The following NUP214 variants were observed in gnomAD, a reference collection of about 807,000 sequenced individuals.
NUP214 encodes the protein nuclear pore complex protein Nup214.
Under a neutral mutation model 196.2 loss-of-function variants are expected in NUP214, and 79 were observed. The ratio of observed to expected loss-of-function variants is 0.40; its 90% CI spans 0.34 to 0.49. The LOEUF (loss-of-function observed/expected upper bound fraction) is 0.49. Ranked by LOEUF, NUP214 falls within the 20% of genes least tolerant of loss-of-function variation. The probability of loss-of-function intolerance (pLI) is 0.58; values close to 1 mark genes in which losing one functional copy is unlikely to be tolerated. For synonymous variants in NUP214, 1,020 were observed against 990.5 expected (o/e 1.03, Z -0.56); for missense variants, 2,468 against 2,539.0 (o/e 0.97, Z 0.60).
chr9:131,187,021 T>C, intron 24 of NUP214: 1 of 410,060 alleles, frequency 2.4e-6, no homozygotes, highest in Non-Finnish European at 4.5e-6. Flanking sequence ...AAAGATCTAG[T>C]TCTGAATGGT....
chr9:131,182,751 T>G (rs932682922), intron 24 of NUP214, among the ~76,000 whole-genome samples: 3 of 152,244 alleles, frequency 2.0e-5, no homozygotes, highest in Non-Finnish European at 4.4e-5. Flanking sequence ...ATCTGTTATA[T>G]AGCTATTTGT....
chr9:131,227,539 G>A (rs116912327), intron 32 of NUP214, among the ~76,000 whole-genome samples: 5,753 of 151,158 alleles, frequency 0.038, 127 homozygotes, highest in African/African-American at 0.068. Flanking sequence ...GATGAGAGAC[G>A]TAGGAGCCAT....
intron 30 of NUP214, among the ~76,000 whole-genome samples, chr9:131,209,351 G>T (rs1290455456): frequency 6.6e-6 from 1 of 152,068 alleles, no homozygotes; most frequent in East Asian, 1.9e-4. Flanking sequence ...ACTGCACTCT[G>T]GCCTGGGTGA....
At chr9:131,171,300 G>A (rs983656670) in intron 21 of NUP214, among the ~76,000 whole-genome samples, 3 of 152,182 alleles carry the variant, frequency 2.0e-5, no homozygotes, top group African/African-American at 7.2e-5. Flanking sequence ...ATGTTACATA[G>A]GACCTTGGAG....
chr9:131,199,165 C>T, intron 29 of NUP214, 150 bp downstream of exon 29: 2 of 987,542 alleles, frequency 2.0e-6, no homozygotes, highest in South Asian at 3.6e-5. Context: ...CACATGTGGT[C>T]TCAGGAACTT....
chr9:131,153,787 A>G (rs1216489855), intron 17 of NUP214, among the ~76,000 whole-genome samples: 9 of 152,232 alleles, frequency 5.9e-5, no homozygotes, highest in Non-Finnish European at 1.5e-5. Context: ...GTCTGACTCA[A>G]GAGCCTGTGC....
chr9:131,227,170 C>G (rs1834746485), intron 32 of NUP214, among the ~76,000 whole-genome samples: 1 of 152,200 alleles, frequency 6.6e-6, no homozygotes, highest in Non-Finnish European at 1.5e-5. Flanking sequence ...GTTTGGGAAC[C>G]CGCATCAGGA....
At chr9:131,128,052 A>G (rs1831417432) in intron 2 of NUP214, among the ~76,000 whole-genome samples, 1 of 152,190 alleles carries the variant, frequency 6.6e-6, no homozygotes, top group Non-Finnish European at 1.5e-5. Context: ...GATCCAAACT[A>G]TTGGCAAGGT....
chr9:131,134,534 C>T (rs1316983625), intron 7 of NUP214, among the ~76,000 whole-genome samples: 1 of 152,100 alleles, frequency 6.6e-6, no homozygotes, highest in African/African-American at 2.4e-5. Flanking sequence ...TTAACTGCTA[C>T]TTATGTTTCA....
chr9:131,201,406 A>C (rs963888827), intron 29 of NUP214, among the ~76,000 whole-genome samples: 4 of 147,766 alleles, frequency 2.7e-5, no homozygotes, highest in African/African-American at 9.9e-5. Context: ...ACTCCATCTC[A>C]AAAAAAAAAA....
chr9:131,174,437 TTTTTTTTTTC>T, intron 22 of NUP214, 119 bp downstream of exon 22: 4 of 834,760 alleles, frequency 4.8e-6, no homozygotes, highest in Non-Finnish European at 5.0e-6. Flanking sequence ...GCCCACTTTT[TTTTTTTTTTC>T]TTTTTTTCTT....
At chr9:131,188,874 T>C in intron 25 of NUP214, among the ~76,000 whole-genome samples, 179 bp from the exon 26 acceptor site, 1 of 152,248 alleles carries the variant, frequency 6.6e-6, no homozygotes, top group Admixed American at 6.5e-5. Flanking sequence ...TGATCTTACA[T>C]ATGGTTAACT....
intron 24 of NUP214, among the ~76,000 whole-genome samples, chr9:131,181,433 T>G (rs1833275736): frequency 6.6e-6 from 1 of 152,212 alleles, no homozygotes; most frequent in Non-Finnish European, 1.5e-5. Context: ...TGCACCATTT[T>G]TCATTCCCAA....
At chr9:131,158,361 G>C (rs1832523828) in intron 17 of NUP214, among the ~76,000 whole-genome samples, 1 of 152,368 alleles carries the variant, frequency 6.6e-6, no homozygotes, top group South Asian at 2.1e-4. Context: ...TTACAGGTGT[G>C]AGCCACAGCG....
At chr9:131,218,304 A>T (rs1834459681) in intron 31 of NUP214, among the ~76,000 whole-genome samples, 1 of 152,230 alleles carries the variant, frequency 6.6e-6, no homozygotes, top group Non-Finnish European at 1.5e-5. Flanking sequence ...GAGGGCCACC[A>T]AGTACAGAAT....
chr9:131,165,415 T>G (rs1287462244), intron 21 of NUP214: 1 of 152,264 alleles, frequency 6.6e-6, no homozygotes, highest in African/African-American at 2.4e-5. Context: ...ATAACAGTTT[T>G]GTGTCTTGAT....
At chr9:131,189,189 A>G in intron 26 of NUP214, 58 bp downstream of exon 26, 3 of 1,332,680 alleles carry the variant, frequency 2.3e-6, no homozygotes, top group Non-Finnish European at 3.2e-6. Flanking sequence ...AATAGGGGTT[A>G]TTGTTCTGGA....
rs72768590 is a variant in NUP214, at chr9:131,197,430, C to A, written c.3936C>A (p.Thr1312=). The change falls in exon 29 of 36, where the codon ACC becomes ACA. Residue 1312 remains threonine, a synonymous_variant. Transcript: ENST00000359428. The stretch of plus-strand genomic sequence containing the variant: ...CCACCACCTCTAGTAAGCTGGAAAC[C>A]CCACCGTCCAAGCTGGGAGAGCTTC... ...ALSTTSSKLE[T]PPSKLGELLF... is the part of the protein sequence containing the mutation. The A allele has an allele frequency of 1.2e-6, 2 of 1,613,992 alleles. No homozygotes were observed. The highest frequency in any genetic ancestry group is 2.7e-5 in the African/African-American group (2 of 74,884).
At chr9:131,208,440 G>T (rs1401788945) in intron 30 of NUP214, among the ~76,000 whole-genome samples, 2 of 152,190 alleles carry the variant, frequency 1.3e-5, no homozygotes, top group African/African-American at 2.4e-5. Flanking sequence ...GCTCACGCCT[G>T]TAATCCCAGC....
Sources: allele counts gnomAD v4.1 joint callset (sites outside exome capture counted in the v4.1 genomes callset), GRCh38; gene constraint gnomAD v4.1.1; transcripts MANE v1.5; gene names NCBI Gene and HGNC (gene_info 2026-07-23, HGNC 2026-07-21).